Variants in CNBD1 observed in about 807,000 individuals in gnomAD.
CNBD1 encodes cyclic nucleotide binding domain containing 1, also known as cyclic nucleotide-binding domain-containing protein 1.
Under a neutral mutation model 54.4 loss-of-function variants are expected in CNBD1, and 71 were observed. That is an observed-to-expected ratio of 1.30 (90% CI 1.08 to 1.59). The LOEUF (loss-of-function observed/expected upper bound fraction) is 1.59, where lower values mean the gene tolerates loss of function less well. Among genes scored for constraint, CNBD1 ranks in the 40% most tolerant of loss-of-function variants. CNBD1 has a pLI of 0.00. For synonymous variants in CNBD1, 182 were observed against 170.7 expected (o/e 1.07, Z -0.51); for missense variants, 659 against 518.0 (o/e 1.27, Z -2.64).
intron 2 of CNBD1, among the ~76,000 whole-genome samples, chr8:87,390,664 A>T (rs372481849): frequency 6.6e-6 from 1 of 152,190 alleles, no homozygotes. Context: ...TAGTTCAACC[A>T]TTGTGGAAGT....
At chr8:87,044,047 A>G (rs1030764719) in intron 4 of CNBD1, among the ~76,000 whole-genome samples, 9 of 152,148 alleles carry the variant, frequency 5.9e-5, no homozygotes, top group African/African-American at 2.2e-4. Context: ...TGTGTCCTTT[A>G]TATGTTAATG....
intron 4 of CNBD1, among the ~76,000 whole-genome samples, chr8:87,157,409 G>A (rs1275392071): frequency 1.3e-5 from 2 of 152,128 alleles, no homozygotes; most frequent in Non-Finnish European, 2.9e-5. Flanking sequence ...CAGAATGCAG[G>A]CCCAAAGTAA....
At chr8:86,923,311 C>G (rs1202863042) in intron 3 of CNBD1, among the ~76,000 whole-genome samples, 4 of 152,174 alleles carry the variant, frequency 2.6e-5, no homozygotes, top group African/African-American at 4.8e-5. Context: ...GAGTCCTATG[C>G]AGATGAAGGG....
At chr8:87,097,215 A>G (rs1811338657) in intron 4 of CNBD1, among the ~76,000 whole-genome samples, 1 of 152,216 alleles carries the variant, frequency 6.6e-6, no homozygotes, top group Non-Finnish European at 1.5e-5. Flanking sequence ...TTGATATCAC[A>G]TGGTCCTTTT....
At chr8:87,327,334 A>T (rs1005527508) in intron 8 of CNBD1, among the ~76,000 whole-genome samples, 6 of 150,184 alleles carry the variant, frequency 4.0e-5, no homozygotes, top group Non-Finnish European at 8.9e-5. Flanking sequence ...GGCTCCACCC[A>T]GTTCGAGCTT....
intron 4 of CNBD1, among the ~76,000 whole-genome samples, chr8:87,054,654 T>C (rs115923310): frequency 0.025 from 3,740 of 152,284 alleles, 59 homozygotes; most frequent in Middle Eastern, 0.037. Flanking sequence ...AACAGAAAAC[T>C]CTGGAAGTCC....
In CNBD1 at chr8:87,295,316, G is replaced by A; in HGVS notation, c.1042+8645G>A. Among the ~76,000 whole-genome samples the A allele has an allele frequency of 4.6e-5, 7 of 151,930 alleles. 1 individual carries two copies. In the South Asian group the frequency reaches 1.5e-3, roughly 32 times the overall value. ...ATACTTCAAACATACTTTGTAGAAA[G>A]TATATAGTTTAATTTCTTACTCAGA... is the stretch of plus-strand genomic sequence containing the variant. On this transcript the variant is annotated intron_variant, in intron 8 of 10. Transcript: ENST00000518476.
intron 8 of CNBD1, among the ~76,000 whole-genome samples, chr8:87,289,263 G>A (rs149228486): frequency 6.6e-6 from 1 of 152,092 alleles, no homozygotes; most frequent in East Asian, 1.9e-4. Flanking sequence ...AATAAGTAAA[G>A]CTTGTATCTG....
chr8:86,957,808 T>C (rs1018991020), intron 4 of CNBD1, among the ~76,000 whole-genome samples: 4 of 152,110 alleles, frequency 2.6e-5, no homozygotes, highest in African/African-American at 7.2e-5. Flanking sequence ...TTTTGTAGGA[T>C]TTTTTTGTGT....
At chr8:87,035,632 A>C (rs1809917013) in intron 4 of CNBD1, among the ~76,000 whole-genome samples, 2 of 152,160 alleles carry the variant, frequency 1.3e-5, no homozygotes, top group Admixed American at 6.5e-5. Flanking sequence ...CTGTGTTTCT[A>C]AATAAAATAC....
At chr8:87,096,729 G>C (rs1273776483) in intron 4 of CNBD1, among the ~76,000 whole-genome samples, 1 of 151,874 alleles carries the variant, frequency 6.6e-6, no homozygotes, top group African/African-American at 2.4e-5. Context: ...CAGAAAACAG[G>C]TTCAGGGTGG....
At chr8:87,338,546 C>G (rs188644159) in intron 8 of CNBD1, among the ~76,000 whole-genome samples, 2 of 151,126 alleles carry the variant, frequency 1.3e-5, no homozygotes, top group East Asian at 3.9e-4. Context: ...TGCATGATTT[C>G]TGAGAAGTCA....
At chr8:86,963,598 A>G (rs74625308) in intron 4 of CNBD1, among the ~76,000 whole-genome samples, 4,004 of 152,152 alleles carry the variant, frequency 0.026, 185 homozygotes, top group African/African-American at 0.092. Context: ...CAAACAAGGG[A>G]GAGAGAAAGG....
At chr8:87,368,495 G>A (rs893405007) in intron 10 of CNBD1, among the ~76,000 whole-genome samples, 2 of 151,816 alleles carry the variant, frequency 1.3e-5, no homozygotes, top group Non-Finnish European at 2.9e-5. Flanking sequence ...AAAGTTAGCT[G>A]GGCATGGTGC....
At chr8:87,357,534 C>A (rs983963544) in intron 10 of CNBD1, among the ~76,000 whole-genome samples, 1 of 152,104 alleles carries the variant, frequency 6.6e-6, no homozygotes, top group Non-Finnish European at 1.5e-5. Context: ...GGGAATGTTT[C>A]CCCTATCTTT....
intron 4 of CNBD1, among the ~76,000 whole-genome samples, chr8:87,031,313 T>C (rs1237168998): frequency 6.6e-6 from 1 of 151,960 alleles, no homozygotes; most frequent in Non-Finnish European, 1.5e-5. Flanking sequence ...CATGGAAATG[T>C]TGCACATAAC....
At chr8:87,051,290 A>C (rs548250354) in intron 4 of CNBD1, among the ~76,000 whole-genome samples, 1 of 152,252 alleles carries the variant, frequency 6.6e-6, no homozygotes, top group African/African-American at 2.4e-5. Flanking sequence ...GTCCAGAAGG[A>C]AGTCTACTTT....
At chr8:87,069,448 T>A (rs1190457960) in intron 4 of CNBD1, among the ~76,000 whole-genome samples, 1 of 152,218 alleles carries the variant, frequency 6.6e-6, no homozygotes, top group East Asian at 1.9e-4. Flanking sequence ...TACCATTACA[T>A]TACATTTGCC....
intron 8 of CNBD1, among the ~76,000 whole-genome samples, chr8:87,329,157 A>G (rs1809758021): frequency 6.6e-6 from 1 of 152,114 alleles, no homozygotes; most frequent in Non-Finnish European, 1.5e-5. Context: ...GCAGTTGTTC[A>G]GCACTGTTCT....
Sources: allele counts gnomAD v4.1 joint callset (sites outside exome capture counted in the v4.1 genomes callset), GRCh38; gene constraint gnomAD v4.1.1; transcripts MANE v1.5; gene names NCBI Gene and HGNC (gene_info 2026-07-23, HGNC 2026-07-21).